PTPRD: variants seen among roughly 807,000 people sequenced by gnomAD.
The protein encoded by PTPRD is protein tyrosine phosphatase receptor type D, also known as receptor-type tyrosine-protein phosphatase delta.
PTPRD carries 34 observed loss-of-function variants against 214.5 expected under a neutral mutation model. That is an observed-to-expected ratio of 0.16 (90% CI 0.12 to 0.21). The LOEUF (loss-of-function observed/expected upper bound fraction) is 0.21, where lower values mean the gene tolerates loss of function less well. PTPRD is among the 10% of genes least tolerant of loss of function. The probability of loss-of-function intolerance (pLI) is 1.00; values close to 1 mark genes in which losing one functional copy is unlikely to be tolerated. For missense variants in PTPRD, 2,545 were observed against 2,398.7 expected, an observed-to-expected ratio of 1.06 and a Z score of -1.27; for synonymous variants, 1,128 against 845.7, an observed-to-expected ratio of 1.33 and a Z score of -5.79.
intron 21 of PTPRD, among the ~76,000 whole-genome samples, chr9:8,508,332 G>A (rs1378769121): frequency 6.6e-6 from 1 of 152,176 alleles, no homozygotes; most frequent in Non-Finnish European, 1.5e-5. Context: ...AAACTTTCTA[G>A]TCCACACCTA....
At chr9:10,547,481 T>C (rs833455) in intron 2 of PTPRD, among the ~76,000 whole-genome samples, 107,654 of 151,770 alleles carry the variant, frequency 0.71, 40,025 homozygotes, top group Admixed American at 0.82. Context: ...GAAAGCATTG[T>C]CTAATAAACA....
chr9:9,160,765 A>T (rs961917456), intron 10 of PTPRD, among the ~76,000 whole-genome samples: 4 of 152,208 alleles, frequency 2.6e-5, no homozygotes, highest in Admixed American at 2.6e-4. Context: ...AATAGCCAAG[A>T]TATGGAATCA....
intron 5 of PTPRD, among the ~76,000 whole-genome samples, chr9:9,812,765 A>G (rs1251040051): frequency 6.6e-6 from 1 of 152,148 alleles, no homozygotes; most frequent in Non-Finnish European, 1.5e-5. Flanking sequence ...AGACTTGACT[A>G]ACACTATATC....
intron 8 of PTPRD, among the ~76,000 whole-genome samples, chr9:9,572,608 T>C (rs1171487627): frequency 1.4e-5 from 2 of 147,714 alleles, no homozygotes; most frequent in Admixed American, 1.4e-4. Flanking sequence ...TGTGTATATA[T>C]ATATCATACA....
intron 10 of PTPRD, among the ~76,000 whole-genome samples, chr9:9,074,582 T>A (rs2154413630): frequency 6.6e-6 from 1 of 152,250 alleles, no homozygotes; most frequent in South Asian, 2.1e-4. Context: ...TAAATCTGGC[T>A]CATATTTTAT....
intron 10 of PTPRD, among the ~76,000 whole-genome samples, chr9:9,074,707 A>G (rs929163320): frequency 2.0e-5 from 3 of 151,906 alleles, no homozygotes; most frequent in Non-Finnish European, 4.4e-5. Flanking sequence ...TTTAAATCAG[A>G]TGATTACTTT....
chr9:9,732,527 A>C (rs2098215979), intron 7 of PTPRD, among the ~76,000 whole-genome samples: 1 of 152,134 alleles, frequency 6.6e-6, no homozygotes, highest in Admixed American at 6.5e-5. Context: ...ATTTAGGCAA[A>C]AGGACAATTA....
At chr9:9,789,061 C>G (rs2098947895) in intron 5 of PTPRD, among the ~76,000 whole-genome samples, 1 of 152,192 alleles carries the variant, frequency 6.6e-6, no homozygotes, top group South Asian at 2.1e-4. Context: ...TAAATATTTT[C>G]TGGCTGGCTA....
intron 4 of PTPRD, among the ~76,000 whole-genome samples, chr9:9,958,457 G>T (rs570402320): frequency 2.0e-5 from 3 of 152,276 alleles, no homozygotes; most frequent in South Asian, 4.1e-4. Context: ...CTTGAACCCA[G>T]GAGGCAGAGG....
chr9:8,482,586 G>C (rs1026154496), intron 30 of PTPRD, among the ~76,000 whole-genome samples: 1 of 152,088 alleles, frequency 6.6e-6, no homozygotes, highest in South Asian at 2.1e-4. Flanking sequence ...CAAACAGGTA[G>C]CACAATAGAT....
At chr9:10,608,854 T>C (rs946608032) in intron 2 of PTPRD, among the ~76,000 whole-genome samples, 7 of 152,140 alleles carry the variant, frequency 4.6e-5, no homozygotes, top group African/African-American at 1.7e-4. Context: ...AATGTCTACA[T>C]TGTTTGACTG....
At chr9:10,354,430 A>G (rs17703834) in intron 2 of PTPRD, among the ~76,000 whole-genome samples, 18,072 of 152,102 alleles carry the variant, frequency 0.12, 1,328 homozygotes, top group South Asian at 0.19. Flanking sequence ...CCAAATTCCA[A>G]TCTTGTCCTC....
Position 9,763,180 on chromosome 9 carries a change from T to C in PTPRD, c.-326+3630A>G, listed in dbSNP as rs546713997. Among the ~76,000 whole-genome samples the C allele has an allele frequency of 2.6e-5, 4 of 152,330 alleles. No homozygotes were observed. The East Asian group carries it at 7.7e-4, about 29-fold the overall frequency. ...GCTGTGTTAGAAGTTATTCAATGGA[T>C]TCATCCTACAAAATGTAAAACACAT... On this transcript the variant is annotated intron_variant, in intron 6 of 45. Coordinates refer to ENST00000381196, the MANE Select transcript of PTPRD (RefSeq NM_002839.4).
chr9:8,431,873 C>T (rs575759488), intron 35 of PTPRD, among the ~76,000 whole-genome samples: 2 of 152,278 alleles, frequency 1.3e-5, no homozygotes, highest in African/African-American at 4.8e-5. Flanking sequence ...CCCTCTTTTT[C>T]TATTGTTTGT....
chr9:9,893,809 C>G (rs1211408541), intron 5 of PTPRD, among the ~76,000 whole-genome samples: 1 of 151,882 alleles, frequency 6.6e-6, no homozygotes, highest in East Asian at 1.9e-4. Flanking sequence ...TTCTTTTAGC[C>G]TGTTCCTTTT....
Position 8,807,786 on chromosome 9 carries a change from G to A in PTPRD, c.-103-73840C>T, listed in dbSNP as rs1344564152. Among the ~76,000 whole-genome samples, 4 of 152,142 alleles carry A rather than the reference G, an allele frequency of 2.6e-5. No homozygotes were observed. In the East Asian group the frequency reaches 5.8e-4, roughly 22 times the overall value. On this transcript the variant is annotated intron_variant, in intron 11 of 45. Coordinates refer to ENST00000381196, the MANE Select transcript of PTPRD (RefSeq NM_002839.4). ...GTGGTCTGCTCCTTTCCTGAAATTT[G>A]TTTCATATCCACAGTCCTTCCATTT...
At chr9:10,122,116 T>C (rs2098780663) in intron 3 of PTPRD, among the ~76,000 whole-genome samples, 1 of 152,172 alleles carries the variant, frequency 6.6e-6, no homozygotes, top group Non-Finnish European at 1.5e-5. Flanking sequence ...AATACCAGCC[T>C]GGCCAACATG....
At chr9:9,369,059 G>T (rs1056234750) in intron 9 of PTPRD, among the ~76,000 whole-genome samples, 18 of 152,080 alleles carry the variant, frequency 1.2e-4, no homozygotes, top group African/African-American at 4.3e-4. Context: ...ATGGTTTCCA[G>T]CTTCATCCAT....
At chr9:8,595,214 A>C (rs1218677286) in intron 14 of PTPRD, among the ~76,000 whole-genome samples, 1 of 151,426 alleles carries the variant, frequency 6.6e-6, no homozygotes, top group Admixed American at 6.6e-5. Flanking sequence ...AAAAACTTTA[A>C]GTCAAAATGT....
Sources: allele counts gnomAD v4.1 joint callset (sites outside exome capture counted in the v4.1 genomes callset), GRCh38; gene constraint gnomAD v4.1.1; transcripts MANE v1.5; gene names NCBI Gene and HGNC (gene_info 2026-07-23, HGNC 2026-07-21).